HSPA4: variants seen among roughly 807,000 people sequenced by gnomAD.
HSPA4 encodes the protein heat shock 70 kDa protein 4.
HSPA4 carries 25 observed loss-of-function variants against 106.2 expected under a neutral mutation model. The ratio of observed to expected loss-of-function variants is 0.24; its 90% CI spans 0.17 to 0.33. The LOEUF is 0.33. Among genes scored for constraint, HSPA4 ranks in the 10% least tolerant of loss-of-function variants. The pLI, the probability that HSPA4 is intolerant of heterozygous loss-of-function variation, is 1.00. For missense variants in HSPA4, 841 were observed against 996.0 expected, an observed-to-expected ratio of 0.84 and a Z score of 2.10; for synonymous variants, 332 against 333.6, an observed-to-expected ratio of 1.00 and a Z score of 0.05.
chr5:133,087,871 A>G (rs1765598365), intron 8 of HSPA4, among the ~76,000 whole-genome samples: 1 of 152,124 alleles, frequency 6.6e-6, no homozygotes, highest in South Asian at 2.1e-4. Context: ...TGATCCGCCC[A>G]CTTCGGCCTC....
intron 8 of HSPA4, among the ~76,000 whole-genome samples, chr5:133,087,688 A>T (rs184833812): frequency 6.6e-6 from 1 of 152,114 alleles, no homozygotes; most frequent in Non-Finnish European, 1.5e-5. Flanking sequence ...CAGTGGTTCA[A>T]TCTCAGCTCA....
chr5:133,073,371 T>G (rs1561579380), intron 5 of HSPA4, 42 bp downstream of exon 5: 2 of 1,329,474 alleles, frequency 1.5e-6, no homozygotes, highest in Non-Finnish European at 2.1e-6. Flanking sequence ...TGGTTAATCT[T>G]GAAGATTGTG....
rs371511748 is a variant in HSPA4, at chr5:133,091,328, A to G, written c.1514A>G (p.Glu505Gly). ...ASLVEVHKSE[E>G]NEEPMETDQN... ...TTAGTGGAGGTTCACAAGTCTGAGG[A>G]AAATGAGGAGCCAATGGAAACAGAT... Residue 505 changes from glutamate to glycine, a missense_variant, in exon 12 of 19, where the codon GAA (glutamate) becomes GGA (glycine). This residue lies in a region of HSPA4 where 162 missense variants were observed against 177.7 expected (regional missense o/e 0.91). Coordinates refer to ENST00000304858, the MANE Select transcript of HSPA4 (RefSeq NM_002154.4). 10 of 1,613,998 alleles carry G rather than the reference A, an allele frequency of 6.2e-6. No individual in the cohort carries two copies. The highest frequency in any genetic ancestry group is 8.5e-6 in the Non-Finnish European group (10 of 1,179,884).
intron 7 of HSPA4, among the ~76,000 whole-genome samples, chr5:133,078,686 C>T (rs953590166): frequency 8.1e-5 from 12 of 148,840 alleles, no homozygotes; most frequent in African/African-American, 2.7e-4. Context: ...CATCAGAATA[C>T]GTAGCTCTTA....
rs760009586 is a variant in HSPA4 at position 133,082,617 on chromosome 5, C to T, written c.909-4165C>T. On this transcript the variant is annotated intron_variant, in intron 7 of 18. Coordinates refer to ENST00000304858, the MANE Select transcript of HSPA4 (RefSeq NM_002154.4). ...AGTAGATGGGAGTATAGGTGTTCAC[C>T]GACATATCTGGCCAATTTTTGTATT... Among the ~76,000 whole-genome samples the T allele has an allele frequency of 2.6e-5, 4 of 152,062 alleles. No homozygotes were observed. The East Asian group carries it at 5.8e-4, about 22-fold the overall frequency.
At chr5:133,072,078 T>C (rs547747815) in intron 4 of HSPA4, among the ~76,000 whole-genome samples, 2 of 152,216 alleles carry the variant, frequency 1.3e-5, no homozygotes, top group African/African-American at 4.8e-5. Flanking sequence ...TGTCTTCCAG[T>C]TTTGGGTATC....
In HSPA4 at chr5:133,091,219, C is replaced by G. The variant is rs1765643627; in HGVS notation, c.1405C>G (p.Pro469Ala). 6.2e-7 allele frequency: 1 copy of G among 1,614,036 alleles called. No individual in the cohort carries two copies. The highest frequency in any genetic ancestry group is 8.5e-7 in the Non-Finnish European group (1 of 1,179,954). The change falls in exon 12 of 19, where the codon CCT becomes GCT. Residue 469 changes from proline to alanine, a missense_variant. Pro to Ala is a conservative substitution (Grantham distance 27, BLOSUM62 -1). Transcript: ENST00000304858. ...IAQFSVQKVT[P>A]QSDGSSSKVK... ...TCAGTTTTCAGTTCAGAAAGTCACT[C>G]CTCAGTCTGATGGCTCCAGTTCAAA...
intron 8 of HSPA4, among the ~76,000 whole-genome samples, chr5:133,087,125 A>G (rs1765587073): frequency 6.6e-6 from 1 of 151,898 alleles, no homozygotes; most frequent in African/African-American, 2.4e-5. Flanking sequence ...AATGGTGGTA[A>G]AAATTGTCTT....
intron 2 of HSPA4, among the ~76,000 whole-genome samples, chr5:133,065,676 T>TATA (rs537136743): frequency 2.4e-4 from 37 of 152,338 alleles, no homozygotes; most frequent in Non-Finnish European, 4.6e-4. Flanking sequence ...CTTACTCATA[T>TATA]ATAAGGTAAG....
At position 133,097,163 on chromosome 5, in the gene HSPA4, T is replaced by C. The variant is rs756711252; in HGVS notation, c.1806T>C (p.Gly602=). Residue 602 remains glycine, a splice_region_variant and synonymous_variant, in exon 15 of 19, where the codon GGT becomes GGC. Transcript: ENST00000304858. ...EMLNLYIENE[G]KMIMQDKLEK... ...TTATACATAATATTTATTCTCAGGG[T>C]AAGATGATCATGCAGGATAAACTGG... 1 of 1,608,580 alleles carries C rather than the reference T, an allele frequency of 6.2e-7. No individual in the cohort carries two copies. The highest frequency in any genetic ancestry group is 1.1e-5 in the South Asian group (1 of 90,808).
rs1366124226 is a variant in HSPA4, at chr5:133,103,167, C to T, written c.2158-698C>T. On this transcript the variant is annotated intron_variant, in intron 17 of 18. Coordinates refer to ENST00000304858, the MANE Select transcript of HSPA4 (RefSeq NM_002154.4). ...TCCTCAACCTCCTGGGCTCAAGTGA[C>T]TGTCCTGTCTCAGCCTCCTGAGTAG... Among the ~76,000 whole-genome samples, 7 of 151,140 alleles carry T rather than the reference C, an allele frequency of 4.6e-5. No homozygotes were observed. In the East Asian group the frequency reaches 9.8e-4, roughly 21 times the overall value.
intron 14 of HSPA4, 22 bp downstream of exon 14, chr5:133,096,272 G>C: frequency 6.2e-7 from 1 of 1,601,498 alleles, no homozygotes; most frequent in Non-Finnish European, 8.5e-7. Flanking sequence ...AAGTCTATTG[G>C]AACAATGAGC....
intron 14 of HSPA4, among the ~76,000 whole-genome samples, chr5:133,096,928 TTGAG>T (rs1765719752): frequency 6.6e-6 from 1 of 152,204 alleles, no homozygotes; most frequent in Admixed American, 6.5e-5. Flanking sequence ...AATTTTGCTT[TTGAG>T]TGTCTACACC....
At chr5:133,054,788 T>C (rs1477419732) in intron 1 of HSPA4, among the ~76,000 whole-genome samples, 1 of 152,180 alleles carries the variant, frequency 6.6e-6, no homozygotes, top group Non-Finnish European at 1.5e-5. Context: ...AATATCTTTG[T>C]ATCCGTGTTT....
At chr5:133,097,410 G>A in intron 15 of HSPA4, 124 bp downstream of exon 15, 1 of 743,612 alleles carries the variant, frequency 1.3e-6, no homozygotes, top group Non-Finnish European at 2.1e-6. Flanking sequence ...TTTTCTGGGG[G>A]GGGCAAAATT....
chr5:133,080,640 A>G (rs1470139677), intron 7 of HSPA4, among the ~76,000 whole-genome samples: 3 of 151,700 alleles, frequency 2.0e-5, no homozygotes, highest in Non-Finnish European at 4.4e-5. Context: ...TTCCTACATA[A>G]TTATGTTGGA....
At position 133,072,826 on chromosome 5, in the gene HSPA4, T is replaced by A. The variant is rs976086629; in HGVS notation, c.430-404T>A. On this transcript the variant is annotated intron_variant, in intron 4 of 18. Coordinates refer to ENST00000304858, the MANE Select transcript of HSPA4 (RefSeq NM_002154.4). ...ACAAGCTGCATGTTTATATAAACAG[T>A]TTAGGTACAGTGAACCACTCTTAAT... Among the ~76,000 whole-genome samples the A allele has an allele frequency of 7.9e-5, 12 of 152,134 alleles. No individual in the cohort carries two copies. The East Asian group carries it at 2.3e-3, about 29-fold the overall frequency.
At position 133,104,038 on chromosome 5, in the gene HSPA4, C is replaced by A; in HGVS notation, c.2319+12C>A. The A allele has an allele frequency of 6.2e-7, 1 of 1,601,184 alleles. No homozygotes were observed. Among genetic ancestry groups the A allele is most frequent in the Non-Finnish European group, 8.5e-7 (1 of 1,172,192 alleles). On this transcript the variant is annotated intron_variant, in intron 18 of 18. Transcript: ENST00000304858. ...AAGCTAAAATTAAGGTAATTTAAGA[C>A]TTTTTTTTAATAGTCTTTTCTTGAC... is the stretch of plus-strand genomic sequence containing the variant.
intron 12 of HSPA4, 75 bp from the exon 13 acceptor site, chr5:133,092,625 A>T: frequency 1.0e-6 from 1 of 961,634 alleles, no homozygotes; most frequent in Non-Finnish European, 1.7e-6. Flanking sequence ...TTACATAACT[A>T]TGTGACTTTG....
Sources: allele counts gnomAD v4.1 joint callset (sites outside exome capture counted in the v4.1 genomes callset), GRCh38; gene constraint gnomAD v4.1.1; regional missense constraint gnomAD v4.1.1; transcripts MANE v1.5; gene names NCBI Gene and HGNC (gene_info 2026-07-23, HGNC 2026-07-21).